SLMAP: variants seen among roughly 807,000 people sequenced by gnomAD.
The protein encoded by SLMAP is sarcolemmal membrane-associated protein.
SLMAP carries 44 observed loss-of-function variants against 128.8 expected under a neutral mutation model. The ratio of observed to expected loss-of-function variants is 0.34; its 90% CI spans 0.27 to 0.44. The LOEUF (loss-of-function observed/expected upper bound fraction) is 0.44. SLMAP is among the 20% of genes least tolerant of loss of function. The probability of loss-of-function intolerance (pLI) is 1.00; values close to 1 mark genes in which losing one functional copy is unlikely to be tolerated. For synonymous variants in SLMAP, 327 were observed against 348.8 expected, an observed-to-expected ratio of 0.94 and a Z score of 0.70; for missense variants, 787 against 985.3, an observed-to-expected ratio of 0.80 and a Z score of 2.69.
intron 2 of SLMAP, among the ~76,000 whole-genome samples, chr3:57,774,365 T>C (rs1242498337): frequency 6.6e-6 from 1 of 152,162 alleles, no homozygotes; most frequent in African/African-American, 2.4e-5. Flanking sequence ...GAAAAAATGA[T>C]TAAAAAGTAC....
At chr3:57,835,681 A>G (rs919716017) in intron 3 of SLMAP, among the ~76,000 whole-genome samples, 1 of 152,202 alleles carries the variant, frequency 6.6e-6, no homozygotes, top group African/African-American at 2.4e-5. Context: ...TTCTAAATAA[A>G]TAGGATGAAA....
At chr3:57,877,810 A>G (rs1575601648) in intron 14 of SLMAP, among the ~76,000 whole-genome samples, 1 of 146,252 alleles carries the variant, frequency 6.8e-6, no homozygotes, top group South Asian at 2.2e-4. Context: ...CTATCTTTGA[A>G]TTCTAAATGC....
intron 22 of SLMAP, among the ~76,000 whole-genome samples, chr3:57,919,214 A>G (rs1430165587): frequency 6.6e-6 from 1 of 151,874 alleles, no homozygotes; most frequent in Non-Finnish European, 1.5e-5. Flanking sequence ...AACCCCGTCT[A>G]TACTAAAAAT....
At chr3:57,759,724 AGAC>A (rs2078243474) in intron 2 of SLMAP, among the ~76,000 whole-genome samples, 1 of 152,202 alleles carries the variant, frequency 6.6e-6, no homozygotes, top group African/African-American at 2.4e-5. Context: ...TAAACTAATC[AGAC>A]AACAGGTTGG....
At chr3:57,815,237 G>T (rs145157030) in intron 2 of SLMAP, among the ~76,000 whole-genome samples, 3 of 152,062 alleles carry the variant, frequency 2.0e-5, no homozygotes. Context: ...AGGAAGTGGC[G>T]CTCACGTGGT....
chr3:57,819,263 T>C (rs938784449), intron 2 of SLMAP, among the ~76,000 whole-genome samples: 1 of 152,186 alleles, frequency 6.6e-6, no homozygotes, highest in African/African-American at 2.4e-5. Flanking sequence ...CGAAGAAATA[T>C]GAGTAAAGAC....
intron 2 of SLMAP, among the ~76,000 whole-genome samples, chr3:57,786,391 C>T (rs2084106069): frequency 6.6e-6 from 1 of 152,110 alleles, no homozygotes; most frequent in African/African-American, 2.4e-5. Flanking sequence ...ATTCAACACA[C>T]ACTTTATTGG....
chr3:57,812,760 A>G (rs1028879489), intron 2 of SLMAP, among the ~76,000 whole-genome samples: 1 of 151,976 alleles, frequency 6.6e-6, no homozygotes, highest in Non-Finnish European at 1.5e-5. Flanking sequence ...TATTGTACAA[A>G]TATTTTACCT....
chr3:57,764,533 G>A (rs916195656), intron 2 of SLMAP, among the ~76,000 whole-genome samples: 6 of 151,802 alleles, frequency 4.0e-5, no homozygotes, highest in African/African-American at 7.2e-5. Flanking sequence ...GAAAGAAAGA[G>A]TGATACAATA....
chr3:57,872,416 T>G (rs949242049), intron 14 of SLMAP, among the ~76,000 whole-genome samples: 1 of 152,130 alleles, frequency 6.6e-6, no homozygotes, highest in Non-Finnish European at 1.5e-5. Flanking sequence ...GTCAGGAGTT[T>G]GAGACCAGCC....
chr3:57,842,639 C>T (rs576975506), intron 4 of SLMAP, among the ~76,000 whole-genome samples: 1 of 152,200 alleles, frequency 6.6e-6, no homozygotes, highest in Admixed American at 6.5e-5. Context: ...TCTCAGGTTC[C>T]ATCTAGTAGA....
chr3:57,863,284 GA>G (rs1005719499), intron 10 of SLMAP, among the ~76,000 whole-genome samples: 5 of 149,292 alleles, frequency 3.3e-5, no homozygotes, highest in South Asian at 2.1e-4. Context: ...TATAACTGAG[GA>G]AAAAAAAAAT....
intron 6 of SLMAP, among the ~76,000 whole-genome samples, chr3:57,854,234 T>G (rs773695583): frequency 6.6e-6 from 1 of 151,450 alleles, no homozygotes; most frequent in Admixed American, 6.6e-5. Context: ...CTAAGTGTTA[T>G]ATAGTCAGAG....
intron 12 of SLMAP, among the ~76,000 whole-genome samples, 164 bp from the exon 13 acceptor site, chr3:57,865,078 A>G (rs553194159): frequency 6.6e-6 from 1 of 152,192 alleles, no homozygotes; most frequent in Non-Finnish European, 1.5e-5. Context: ...GAGATCTTCT[A>G]CCTCGGGATA....
rs565608275 is a variant in SLMAP, at chr3:57,923,126, A to G, written c.2445+103A>G. The G allele has an allele frequency of 9.7e-6, 10 of 1,029,122 alleles. No homozygotes were observed. In the African/African-American group the frequency reaches 1.3e-4, roughly 13 times the overall value. 63.7% of individuals were successfully genotyped at this position (1,029,122 alleles called of 1,614,324 possible). A position where few individuals can be genotyped will look rare whatever the true frequency, so the allele number is the denominator to read the frequency against. ...CACTGATTTGTGAAGCAAATGGTAC[A>G]GATGAAATAGGCTTTTCATTATGAA... On this transcript the variant is annotated intron_variant, in intron 23 of 24. Coordinates refer to ENST00000671191, the MANE Select transcript of SLMAP (RefSeq NM_001377540.1).
chr3:57,807,598 A>G (rs1188949452), intron 2 of SLMAP, among the ~76,000 whole-genome samples: 4 of 152,130 alleles, frequency 2.6e-5, no homozygotes, highest in African/African-American at 7.2e-5. Context: ...ATGTTTATTG[A>G]TTTGCATATG....
At chr3:57,874,155 G>A (rs1367941916) in intron 14 of SLMAP, among the ~76,000 whole-genome samples, 1 of 152,062 alleles carries the variant, frequency 6.6e-6, no homozygotes, top group African/African-American at 2.4e-5. Context: ...ATCCGGGAGT[G>A]ATGGCACATG....
At chr3:57,867,974 C>G (rs1201665757) in intron 13 of SLMAP, among the ~76,000 whole-genome samples, 1 of 152,106 alleles carries the variant, frequency 6.6e-6, no homozygotes, top group Non-Finnish European at 1.5e-5. Flanking sequence ...CCGAAATAAA[C>G]ATAAGGCTGG....
At position 57,904,451 on chromosome 3, in the gene SLMAP, A is replaced by G. The variant is rs535777874; in HGVS notation, c.1502-3433A>G. On this transcript the variant is annotated intron_variant, in intron 17 of 24. Coordinates refer to ENST00000671191, the MANE Select transcript of SLMAP (RefSeq NM_001377540.1). ...ACAAAAGAAAACAAAACAAAGAATC[A>G]GTTGCAGACATGATAGCCTTTATGC... Among the ~76,000 whole-genome samples, 3 of 152,320 alleles carry G rather than the reference A, an allele frequency of 2.0e-5. No individual in the cohort carries two copies. In the East Asian group the frequency reaches 5.8e-4, roughly 29 times the overall value.
Sources: gnomAD v4.1 joint callset for allele counts (sites outside exome capture counted in the v4.1 genomes callset) on GRCh38, gnomAD v4.1.1 for gene constraint, MANE v1.5 for transcripts, NCBI Gene and HGNC (gene_info 2026-07-23, HGNC 2026-07-21) for gene names.